NFU1: variants seen among roughly 807,000 people sequenced by gnomAD.
NFU1 encodes NFU1 iron-sulfur cluster scaffold.
NFU1 carries 30 observed loss-of-function variants against 32.2 expected under a neutral mutation model. The observed-to-expected ratio is 0.93, with a 90% CI of 0.70 to 1.26. The LOEUF is 1.26. NFU1 is among the 50% of genes most tolerant of loss of function. NFU1 has a pLI of 0.00. For synonymous variants in NFU1, 112 were observed against 104.6 expected, an observed-to-expected ratio of 1.07 and a Z score of -0.43; for missense variants, 306 against 306.6, an observed-to-expected ratio of 1.00 and a Z score of 0.02.
In NFU1 at chr2:69,419,529, T is replaced by G; in HGVS notation, c.369+9A>C. ...TTTCAAGTCTTATTTTATATAATCC[T>G]ATGTTTACCTTTGTGACAGTGATGA... On this transcript the variant is annotated intron_variant, in intron 4 of 7. Coordinates refer to ENST00000410022, the MANE Select transcript of NFU1 (RefSeq NM_001002755.4). 6.7e-7 allele frequency: 1 copy of G among 1,483,218 alleles called. No homozygotes were observed. Among genetic ancestry groups the G allele is most frequent in the Non-Finnish European group, 9.4e-7 (1 of 1,064,628 alleles). 91.9% of individuals were successfully genotyped at this position (1,483,218 alleles called of 1,614,324 possible).
At chr2:69,415,122 T>A in intron 5 of NFU1, 63 bp downstream of exon 5, 3 of 851,326 alleles carry the variant, frequency 3.5e-6, no homozygotes, top group Non-Finnish European at 6.0e-6. Flanking sequence ...TCAAGGTAAA[T>A]GTGAAGAAAA....
intron 2 of NFU1, among the ~76,000 whole-genome samples, chr2:69,428,749 G>A (rs552774940): frequency 6.6e-6 from 1 of 152,268 alleles, no homozygotes; most frequent in Non-Finnish European, 1.5e-5. Flanking sequence ...CCTATTTTAG[G>A]AGAGAGAATA....
At chr2:69,424,119 C>T (rs1673362401) in intron 2 of NFU1, among the ~76,000 whole-genome samples, 1 of 126,948 alleles carries the variant, frequency 7.9e-6, no homozygotes, top group Non-Finnish European at 1.6e-5. Context: ...TTGCAGTGAG[C>T]CGAGATTGCA....
intron 7 of NFU1, chr2:69,399,369 G>A (rs758148236): frequency 8.8e-6 from 4 of 456,102 alleles, no homozygotes; most frequent in South Asian, 6.2e-5. Flanking sequence ...ATGACAAGGT[G>A]CTGTGTTATA....
intron 2 of NFU1, among the ~76,000 whole-genome samples, chr2:69,426,161 G>C (rs975235441): frequency 6.6e-6 from 1 of 151,518 alleles, no homozygotes; most frequent in African/African-American, 2.4e-5. Flanking sequence ...TTGTAGAGAA[G>C]GGGTTTCATC....
intron 2 of NFU1, chr2:69,430,038 C>CAAAA: frequency 3.3e-6 from 1 of 307,588 alleles, no homozygotes; most frequent in Non-Finnish European, 6.4e-6. Flanking sequence ...CAAAAACAAA[C>CAAAA]AAAAAAAAAC....
chr2:69,418,563 T>C (rs1574134601), intron 4 of NFU1, among the ~76,000 whole-genome samples: 1 of 152,002 alleles, frequency 6.6e-6, no homozygotes, highest in Non-Finnish European at 1.5e-5. Context: ...GCCTCCCGGG[T>C]TCACGCCATT....
chr2:69,419,359 CAT>C (rs1673166041), intron 4 of NFU1, among the ~76,000 whole-genome samples, 177 bp downstream of exon 4: 1 of 151,968 alleles, frequency 6.6e-6, no homozygotes, highest in African/African-American at 2.4e-5. Flanking sequence ...AAAAGAAAAA[CAT>C]AGCATATTTC....
chr2:69,409,043 T>C (rs1032405998), intron 5 of NFU1, among the ~76,000 whole-genome samples: 1 of 151,854 alleles, frequency 6.6e-6, no homozygotes, highest in Non-Finnish European at 1.5e-5. Flanking sequence ...GGTTACACCA[T>C]GTTGGCCAGG....
rs374077165 is a variant in NFU1 at position 69,424,262 on chromosome 2, G to A, written c.167-545C>T. Among the ~76,000 whole-genome samples the A allele has an allele frequency of 2.7e-3, 392 of 145,216 alleles. 3 individuals are homozygous for A. Among genetic ancestry groups the A allele is most frequent in the Admixed American group, 8.1e-3 (116 of 14,298 alleles). On this transcript the variant is annotated intron_variant, in intron 2 of 7. Coordinates refer to ENST00000410022, the MANE Select transcript of NFU1 (RefSeq NM_001002755.4). ...GCATATAGTTTTCTACTAACACTCT[G>A]GTTTATTGGTTTTTGGGTTTTTTGT...
chr2:69,404,229 C>T (rs1672620613), intron 6 of NFU1, among the ~76,000 whole-genome samples: 1 of 151,266 alleles, frequency 6.6e-6, no homozygotes, highest in Non-Finnish European at 1.5e-5. Context: ...CGGTGACCCA[C>T]GCCTGTAATC....
chr2:69,407,197 T>C (rs761953938), intron 5 of NFU1, among the ~76,000 whole-genome samples: 7 of 152,244 alleles, frequency 4.6e-5, no homozygotes, highest in Middle Eastern at 3.4e-3. Flanking sequence ...AAGTGATCCT[T>C]CTACCTTGGC....
intron 5 of NFU1, among the ~76,000 whole-genome samples, chr2:69,408,652 G>A (rs547200385): frequency 1.4e-4 from 21 of 151,210 alleles, no homozygotes; most frequent in African/African-American, 4.4e-4. Flanking sequence ...CCCGGGAGGC[G>A]GAGGTTGCAG....
intron 6 of NFU1, among the ~76,000 whole-genome samples, chr2:69,402,040 T>C (rs1370789261): frequency 6.6e-6 from 1 of 151,866 alleles, no homozygotes; most frequent in African/African-American, 2.4e-5. Context: ...ATCACAGGCA[T>C]GCACCAATAC....
chr2:69,413,188 G>A (rs1423688510), intron 5 of NFU1, among the ~76,000 whole-genome samples: 3 of 151,902 alleles, frequency 2.0e-5, no homozygotes, highest in Non-Finnish European at 4.4e-5. Flanking sequence ...AGGAGGCTGA[G>A]GCAGGAGAAT....
intron 7 of NFU1, among the ~76,000 whole-genome samples, chr2:69,397,156 AT>A (rs1672366477): frequency 6.6e-6 from 1 of 151,988 alleles, no homozygotes; most frequent in Non-Finnish European, 1.5e-5. Context: ...AAACCATCTT[AT>A]TTACTTAAAT....
At chr2:69,424,433 C>T (rs530195080) in intron 2 of NFU1, among the ~76,000 whole-genome samples, 6 of 151,602 alleles carry the variant, frequency 4.0e-5, no homozygotes, top group African/African-American at 9.7e-5. Context: ...GGACTACAGG[C>T]GTGCACCATC....
intron 3 of NFU1, among the ~76,000 whole-genome samples, chr2:69,421,995 T>A (rs1558836155): frequency 6.6e-6 from 1 of 152,130 alleles, no homozygotes; most frequent in Non-Finnish European, 1.5e-5. Flanking sequence ...CCTATACATA[T>A]ATACCTATGA....
upstream of NFU1, among the ~76,000 whole-genome samples, chr2:69,439,174 A>G (rs573336616): frequency 6.6e-6 from 1 of 151,968 alleles, no homozygotes; most frequent in South Asian, 2.1e-4. Flanking sequence ...CCACTCCTCA[A>G]ACCCCTGAAA....
Sources: allele counts gnomAD v4.1 joint callset (sites outside exome capture counted in the v4.1 genomes callset), GRCh38; gene constraint gnomAD v4.1.1; transcripts MANE v1.5; gene names NCBI Gene and HGNC (gene_info 2026-07-23, HGNC 2026-07-21).